Variants in FNIP1 observed in about 807,000 individuals in gnomAD.
FNIP1 encodes the protein folliculin interacting protein 1, also known as folliculin-interacting protein 1.
Under a neutral mutation model 124.5 loss-of-function variants are expected in FNIP1, and 40 were observed. That is an observed-to-expected ratio of 0.32 (90% CI 0.25 to 0.42). FNIP1 has a LOEUF of 0.42. FNIP1 is among the 10% of genes least tolerant of loss of function. FNIP1 has a pLI of 1.00. For missense variants in FNIP1, 1,176 were observed against 1,403.7 expected (o/e 0.84, Z 2.59); for synonymous variants, 472 against 470.6 (o/e 1.00, Z -0.04).
At position 131,642,791 on chromosome 5, in the gene FNIP1, A is replaced by C. The variant is rs1044140224; in HGVS notation, c.*1894T>G. The C allele has an allele frequency of 1.3e-5, 2 of 150,764 alleles. No individual in the cohort carries two copies. Among genetic ancestry groups the C allele is most frequent in the African/African-American group, 2.4e-5 (1 of 40,924 alleles). 9.3% of individuals were successfully genotyped at this position (150,764 alleles called of 1,614,324 possible). A position where few individuals can be genotyped will look rare whatever the true frequency, so the allele number is the denominator to read the frequency against. On this transcript the variant is annotated 3_prime_UTR_variant, in exon 18 of 18. Coordinates refer to ENST00000510461, the MANE Select transcript of FNIP1 (RefSeq NM_133372.3). ...GGGCTGAGGCAGGAGAATCACTTGA[A>C]CTGGGAGGCGGAGGTTGCAGTGAGC...
At chr5:131,716,308 A>G (rs1769465126) in intron 6 of FNIP1, among the ~76,000 whole-genome samples, 1 of 152,196 alleles carries the variant, frequency 6.6e-6, no homozygotes, top group African/African-American at 2.4e-5. Context: ...TAACAACGAA[A>G]AACAATGAAG....
chr5:131,681,835 G>C (rs1420341737), intron 11 of FNIP1, among the ~76,000 whole-genome samples: 1 of 147,570 alleles, frequency 6.8e-6, no homozygotes, highest in Non-Finnish European at 1.5e-5. Flanking sequence ...AATTACCAGA[G>C]CCGAAGAACA....
rs1344727900 is a variant in FNIP1, at chr5:131,672,520, C to T, written c.1924G>A (p.Gly642Arg). Residue 642 changes from glycine (G) to arginine (R), a missense_variant, in exon 14 of 18, where the codon GGA becomes AGA. Transcript: ENST00000510461. ...DIQNSSKELL[G>R]ISDECQMISP... ...ATCATCTGGCACTCATCTGAAATTC[C>T]TAGCAGCTCCTTAGAGCTGTTTTGA... 1.2e-6 allele frequency: 2 copies of T among 1,613,660 alleles called. No homozygotes were observed. Among genetic ancestry groups the T allele is most frequent in the African/African-American group, 1.3e-5 (1 of 74,936 alleles).
chr5:131,784,645 A>AC (rs370449198), intron 1 of FNIP1, among the ~76,000 whole-genome samples: 2,429 of 150,992 alleles, frequency 0.016, 50 homozygotes, highest in African/African-American at 0.05. Context: ...ACAAAGTAAG[A>AC]CCCCCCCATC....
intron 15 of FNIP1, among the ~76,000 whole-genome samples, chr5:131,662,852 G>A (rs964469645): frequency 8.1e-5 from 12 of 147,530 alleles, no homozygotes; most frequent in East Asian, 8.0e-4. Flanking sequence ...CGGTTCTCCT[G>A]CCTCAGCCTC....
intron 1 of FNIP1, among the ~76,000 whole-genome samples, chr5:131,771,686 T>TCGGC (rs1294641445): frequency 6.6e-6 from 1 of 152,176 alleles, no homozygotes; most frequent in Non-Finnish European, 1.5e-5. Flanking sequence ...TTCCTCTCCC[T>TCGGC]CTCCACGTCT....
chr5:131,673,613 G>A (rs550492578), intron 13 of FNIP1, among the ~76,000 whole-genome samples: 1 of 152,212 alleles, frequency 6.6e-6, no homozygotes, highest in Admixed American at 6.5e-5. Flanking sequence ...CAAGGATTCT[G>A]TAGCTGTGTC....
rs55722662 is a variant in FNIP1, at chr5:131,720,293, C to T, written c.355-876G>A. Among the ~76,000 whole-genome samples, 1,098 of 152,202 alleles carry T rather than the reference C, an allele frequency of 7.2e-3. 3 individuals carry two copies. The highest frequency in any genetic ancestry group is 0.011 in the Non-Finnish European group (774 of 67,980). On this transcript the variant is annotated intron_variant, in intron 3 of 17. Coordinates refer to ENST00000510461, the MANE Select transcript of FNIP1 (RefSeq NM_133372.3). The stretch of plus-strand genomic sequence containing the variant: ...AAATGCTTCTTGGAAAACTGGATAT[C>T]CACATGCGAAAGAATAAAACTGGTG...
chr5:131,744,822 T>A, intron 1 of FNIP1, 132 bp from the exon 2 acceptor site: 1 of 556,840 alleles, frequency 1.8e-6, no homozygotes, highest in Non-Finnish European at 2.5e-6. Context: ...TATATATCTT[T>A]ATATTAAATA....
rs1350487248 is a variant in FNIP1, at chr5:131,672,531, T to G, written c.1913A>C (p.Lys638Thr). 6.2e-7 allele frequency: 1 copy of G among 1,613,790 alleles called. No individual in the cohort carries two copies. Among genetic ancestry groups the G allele is most frequent in the Non-Finnish European group, 8.5e-7 (1 of 1,180,036 alleles). The change falls in exon 14 of 18, where the codon AAG becomes ACG. Residue 638 changes from lysine to threonine, a missense_variant. By Grantham distance (78) the Lys-to-Thr change is moderately conservative. Transcript: ENST00000510461. Reference sequence around the variant, plus strand: ...CTCATCTGAAATTCCTAGCAGCTCCTTAGAGCTGTTTTGAATATCTTCTCT... The same window carrying G: ...CTCATCTGAAATTCCTAGCAGCTCCGTAGAGCTGTTTTGAATATCTTCTCT... ...QEREDIQNSS[K>T]ELLGISDECQ...
intron 13 of FNIP1, among the ~76,000 whole-genome samples, chr5:131,676,829 G>C (rs539949411): frequency 1.3e-5 from 2 of 152,270 alleles, no homozygotes; most frequent in East Asian, 3.9e-4. Context: ...GAACAAGGGA[G>C]AAAGCCAGTA....
Position 131,679,509 on chromosome 5 carries a change from C to T in FNIP1, c.1203-334G>A, listed in dbSNP as rs926373459. Among the ~76,000 whole-genome samples the T allele has an allele frequency of 1.5e-4, 23 of 152,158 alleles. 1 individual carries two copies. The highest frequency in any genetic ancestry group is 1.8e-4 in the Non-Finnish European group (12 of 68,028). On this transcript the variant is annotated intron_variant, in intron 11 of 17. Transcript: ENST00000510461. The stretch of plus-strand genomic sequence containing the variant: ...AGCCCATTCCAGCTCCACATTTCTA[C>T]GGGGTATGCTGTACTTAAATATACC...
At chr5:131,772,733 C>T (rs1012453525) in intron 1 of FNIP1, among the ~76,000 whole-genome samples, 1 of 152,148 alleles carries the variant, frequency 6.6e-6, no homozygotes. Context: ...GAATCCTCTT[C>T]TCCCAGATAT....
intron 6 of FNIP1, 36 bp downstream of exon 6, chr5:131,716,529 A>AT (rs1463819588): frequency 1.4e-6 from 2 of 1,409,980 alleles, no homozygotes; most frequent in Non-Finnish European, 2.0e-6. Context: ...CCCTGCTAGT[A>AT]TTTTTTAAAC....
intron 3 of FNIP1, among the ~76,000 whole-genome samples, chr5:131,729,467 C>A (rs1454763312): frequency 1.3e-5 from 2 of 152,232 alleles, no homozygotes; most frequent in Non-Finnish European, 2.9e-5. Context: ...AACTTCCCAG[C>A]AGCTTTGTTT....
chr5:131,772,981 T>C (rs1187554459), intron 1 of FNIP1, among the ~76,000 whole-genome samples: 3 of 152,278 alleles, frequency 2.0e-5, no homozygotes, highest in Non-Finnish European at 4.4e-5. Context: ...GCCCCAGCAT[T>C]ATCTCAACCT....
At chr5:131,737,285 G>A (rs1194625126) in intron 2 of FNIP1, among the ~76,000 whole-genome samples, 1 of 152,174 alleles carries the variant, frequency 6.6e-6, no homozygotes, top group Admixed American at 6.5e-5. Context: ...CAAGATGGGA[G>A]GGAGTAGAGA....
chr5:131,676,069 T>G (rs1767903075), intron 13 of FNIP1, among the ~76,000 whole-genome samples: 1 of 150,828 alleles, frequency 6.6e-6, no homozygotes, highest in African/African-American at 2.4e-5. Flanking sequence ...TTGCCCAGGA[T>G]GGAGTGCAGT....
chr5:131,761,169 T>C (rs1488193300), intron 1 of FNIP1, among the ~76,000 whole-genome samples: 1 of 152,230 alleles, frequency 6.6e-6, no homozygotes, highest in African/African-American at 2.4e-5. Context: ...TATATGGTCA[T>C]ATAATGCTCT....
Sources: gnomAD v4.1 joint callset for allele counts (sites outside exome capture counted in the v4.1 genomes callset) on GRCh38, gnomAD v4.1.1 for gene constraint, MANE v1.5 for transcripts, NCBI Gene and HGNC (gene_info 2026-07-23, HGNC 2026-07-21) for gene names.